Variants in LCOR observed in about 807,000 individuals in gnomAD.
LCOR encodes ligand dependent nuclear receptor corepressor, also known as ligand-dependent corepressor.
Under a neutral mutation model 64.4 loss-of-function variants are expected in LCOR, and 14 were observed. The observed-to-expected ratio is 0.22, with a 90% confidence interval of 0.14 to 0.34. The LOEUF (loss-of-function observed/expected upper bound fraction) is 0.34, where lower values mean the gene tolerates loss of function less well. Ranked by LOEUF, LCOR falls within the 10% of genes least tolerant of loss-of-function variation. The pLI is 1.00. For synonymous variants in LCOR, 643 were observed against 642.5 expected (o/e 1.00, Z -0.01); for missense variants, 1,686 against 1,765.3 (o/e 0.96, Z 0.80).
chr10:96,977,714 C>T lies in LCOR; in HGVS notation c.333-3079C>T, dbSNP rs116032726. On this transcript the variant is annotated intron_variant, in intron 7 of 7. Coordinates refer to ENST00000421806, the MANE Select transcript of LCOR (RefSeq NM_001346516.2). ...TGATGTGGGGTCTCACTCTGTCACC[C>T]AGGCTGTAGTACAGTGGCATGATCA... Among the ~76,000 whole-genome samples, 1,144 of 152,186 alleles carry T rather than the reference C, an allele frequency of 7.5e-3. 14 individuals are homozygous for T. Among genetic ancestry groups the T allele is most frequent in the African/African-American group, 0.026 (1,073 of 41,516 alleles).
intron 4 of LCOR, among the ~76,000 whole-genome samples, chr10:96,942,956 T>C (rs1847521133): frequency 6.6e-6 from 1 of 152,200 alleles, no homozygotes; most frequent in Non-Finnish European, 1.5e-5. Context: ...TCTGTTATTG[T>C]AAGATACAAG....
chr10:96,835,581 G>A (rs977944886), intron 2 of LCOR, among the ~76,000 whole-genome samples: 1 of 152,128 alleles, frequency 6.6e-6, no homozygotes, highest in African/African-American at 2.4e-5. Flanking sequence ...CAATTCAAAA[G>A]GTAACTTGTT....
Position 96,993,070 on chromosome 10 carries a change from C to G in LCOR, c.*7936C>G, listed in dbSNP as rs1428698267. On this transcript the variant is annotated 3_prime_UTR_variant, in exon 8 of 8. Coordinates refer to ENST00000421806, the MANE Select transcript of LCOR (RefSeq NM_001346516.2). ...AGGAGTCCTGTCCTACAATTCAGAG[C>G]ACCCCTAGATGGGATGGAACCAGTG... 6.6e-6 allele frequency: 1 copy of G among 152,192 alleles called. No homozygotes were observed. Among genetic ancestry groups the G allele is most frequent in the East Asian group, 1.9e-4 (1 of 5,194 alleles). 9.4% of individuals were successfully genotyped at this position (152,192 alleles called of 1,614,324 possible).
intron 7 of LCOR, chr10:96,957,774 A>G: frequency 1.0e-6 from 1 of 985,522 alleles, no homozygotes. Context: ...TTACTAAAAT[A>G]CATGCACTGC....
chr10:96,873,571 C>CGTGTGTGTGTGT lies in LCOR; in HGVS notation c.-329-33659_-329-33648dup, dbSNP rs55893181. Among the ~76,000 whole-genome samples, 896 of 126,346 alleles carry CGTGTGTGTGTGT rather than the reference C, an allele frequency of 7.1e-3. 3 individuals carry two copies. The highest frequency in any genetic ancestry group is 0.029 in the East Asian group (105 of 3,644). 82.9% of individuals were successfully genotyped at this position (126,346 alleles called of 152,430 possible). A position where few individuals can be genotyped will look rare whatever the true frequency, so the allele number is the denominator to read the frequency against. ...TTGTTTTTCGATACACACACACACA[C>CGTGTGTGTGTGT]GTGTGTGTGTGTGTGTGTGTGTGTG... is the stretch of plus-strand genomic sequence containing the variant. On this transcript the variant is annotated intron_variant, in intron 2 of 7. Coordinates refer to ENST00000421806, the MANE Select transcript of LCOR (RefSeq NM_001346516.2).
intron 2 of LCOR, among the ~76,000 whole-genome samples, chr10:96,864,453 A>T (rs970762756): frequency 1.3e-5 from 2 of 152,182 alleles, no homozygotes; most frequent in African/African-American, 4.8e-5. Flanking sequence ...TGTTCTGTGA[A>T]CATCTTTACT....
At chr10:96,972,154 A>G (rs1848004786) in intron 7 of LCOR, among the ~76,000 whole-genome samples, 1 of 152,104 alleles carries the variant, frequency 6.6e-6, no homozygotes. Context: ...AAAAATAAAA[A>G]TTTAGTGTTA....
chr10:96,843,189 A>G (rs569663555), intron 2 of LCOR, among the ~76,000 whole-genome samples: 32 of 152,206 alleles, frequency 2.1e-4, no homozygotes, highest in African/African-American at 7.2e-4. Flanking sequence ...CAGCGGCATG[A>G]TCATAGCTCA....
At chr10:96,862,082 T>C (rs1205994246) in intron 2 of LCOR, among the ~76,000 whole-genome samples, 1 of 152,160 alleles carries the variant, frequency 6.6e-6, no homozygotes, top group Non-Finnish European at 1.5e-5. Flanking sequence ...TGGTTTATTA[T>C]AAATGATATT....
intron 4 of LCOR, among the ~76,000 whole-genome samples, chr10:96,919,635 G>A (rs1847013711): frequency 6.6e-6 from 1 of 152,064 alleles, no homozygotes; most frequent in Admixed American, 6.6e-5. Flanking sequence ...GAAACTCTTT[G>A]TCCATTAAAC....
chr10:96,956,493 T>A (rs1040773453), intron 7 of LCOR: 5 of 982,932 alleles, frequency 5.1e-6, no homozygotes, highest in Non-Finnish European at 6.0e-6. Flanking sequence ...GACATAATTA[T>A]TGGGTCATTT....
At chr10:96,915,637 G>C in intron 4 of LCOR, 1 of 884,116 alleles carries the variant, frequency 1.1e-6, no homozygotes, top group Non-Finnish European at 1.9e-6. Flanking sequence ...ACTTCACTCG[G>C]CATCTGCAGC....
intron 2 of LCOR, among the ~76,000 whole-genome samples, chr10:96,879,397 A>G (rs1223531968): frequency 6.6e-6 from 1 of 152,166 alleles, no homozygotes; most frequent in African/African-American, 2.4e-5. Context: ...TGTAGTCATG[A>G]ATGGAGAGTG....
chr10:96,835,773 C>CT (rs1640518093), intron 2 of LCOR, among the ~76,000 whole-genome samples: 1 of 152,170 alleles, frequency 6.6e-6, no homozygotes, highest in African/African-American at 2.4e-5. Flanking sequence ...TCTATTAGTA[C>CT]TTTTTTGGAG....
rs1828995127 is a variant in LCOR at position 96,985,885 on chromosome 10, C to A, written c.*751C>A. On this transcript the variant is annotated 3_prime_UTR_variant, in exon 8 of 8. Coordinates refer to ENST00000421806, the MANE Select transcript of LCOR (RefSeq NM_001346516.2). ...CTAAAAAATCATTTGCATCCCCAAACTGTATTACTAATTCTCACCATCTTC... is the reference window on the plus strand; with the variant it reads ...CTAAAAAATCATTTGCATCCCCAAAATGTATTACTAATTCTCACCATCTTC... 6.0e-6 allele frequency: 1 copy of A among 167,052 alleles called. No individual in the cohort carries two copies. Among genetic ancestry groups the A allele is most frequent in the Admixed American group, 6.5e-5 (1 of 15,288 alleles). The allele number at this position is 167,052 out of a possible 1,614,324, so 10.3% of individuals were successfully genotyped here.
Position 96,982,118 on chromosome 10 carries a change from A to G in LCOR, c.1658A>G (p.His553Arg), listed in dbSNP as rs1848093896. The change falls in exon 8 of 8, where the codon CAT (histidine) becomes CGT (arginine). Residue 553 changes from histidine (H) to arginine (R), a missense_variant. His to Arg is a conservative substitution (Grantham distance 29). Transcript: ENST00000421806. ...ACCCTTACAATTCCAGCCCCTAGAC[A>G]TACAGTAGATGTGCAGCTTCCCAGA... ...KQTLTIPAPR[H>R]TVDVQLPRED... 1.2e-6 allele frequency: 2 copies of G among 1,614,054 alleles called. No homozygotes were observed. Among genetic ancestry groups the G allele is most frequent in the African/African-American group, 1.3e-5 (1 of 74,918 alleles).
chr10:96,897,393 A>AC (rs1412768546), intron 2 of LCOR, among the ~76,000 whole-genome samples: 1 of 152,188 alleles, frequency 6.6e-6, no homozygotes, highest in Non-Finnish European at 1.5e-5. Context: ...GAACTGATGT[A>AC]ATTGACTCAT....
chr10:96,933,546 A>G (rs1564630181), intron 4 of LCOR, among the ~76,000 whole-genome samples: 2 of 152,180 alleles, frequency 1.3e-5, no homozygotes, highest in African/African-American at 4.8e-5. Flanking sequence ...TTTGAGATGG[A>G]GTCTCGCTCT....
At chr10:96,929,132 T>C (rs995217677) in intron 4 of LCOR, among the ~76,000 whole-genome samples, 1 of 152,200 alleles carries the variant, frequency 6.6e-6, no homozygotes, top group African/African-American at 2.4e-5. Context: ...TGGCTTCAAC[T>C]TTGGTCACCA....
Sources: allele counts gnomAD v4.1 joint callset (sites outside exome capture counted in the v4.1 genomes callset), GRCh38; gene constraint gnomAD v4.1.1; transcripts MANE v1.5; gene names NCBI Gene and HGNC (gene_info 2026-07-23, HGNC 2026-07-21).